NUCKS1: variants seen among roughly 807,000 people sequenced by gnomAD.
NUCKS1 encodes the protein nuclear ubiquitous casein and cyclin-dependent kinase substrate 1.
Under a neutral mutation model 33.0 loss-of-function variants are expected in NUCKS1, and 2 were observed. That is an observed-to-expected ratio of 0.06 (90% confidence interval 0.02 to 0.19). NUCKS1 has a LOEUF of 0.19. NUCKS1 is among the 10% of genes least tolerant of loss of function. The probability of loss-of-function intolerance (pLI) is 1.00; values close to 1 mark genes in which losing one functional copy is unlikely to be tolerated. For synonymous variants in NUCKS1, 106 were observed against 102.8 expected (o/e 1.03, Z -0.19); for missense variants, 201 against 293.6 (o/e 0.68, Z 2.31).
intron 2 of NUCKS1, among the ~76,000 whole-genome samples, chr1:205,729,277 G>C (rs1653851918): frequency 6.6e-6 from 1 of 152,118 alleles, no homozygotes; most frequent in South Asian, 2.1e-4. Context: ...CTGACAGCAG[G>C]AGATATTTTA....
intron 1 of NUCKS1, among the ~76,000 whole-genome samples, chr1:205,730,359 T>G (rs1653878696): frequency 6.6e-6 from 1 of 151,722 alleles, no homozygotes; most frequent in East Asian, 2.0e-4. Context: ...AAATTATTTT[T>G]TAAAGGCCCC....
intron 6 of NUCKS1, among the ~76,000 whole-genome samples, chr1:205,718,718 CTA>C (rs1039150606): frequency 1.9e-4 from 29 of 152,178 alleles, no homozygotes; most frequent in African/African-American, 6.8e-4. Flanking sequence ...TACCAACACT[CTA>C]TGATGTTAGC....
At chr1:205,728,362 A>T (rs1364137615) in intron 2 of NUCKS1, among the ~76,000 whole-genome samples, 2 of 152,146 alleles carry the variant, frequency 1.3e-5, no homozygotes, top group African/African-American at 2.4e-5. Flanking sequence ...GAGATGCTGG[A>T]AGTAGTCTGG....
intron 2 of NUCKS1, among the ~76,000 whole-genome samples, chr1:205,728,806 A>G (rs1360969313): frequency 6.6e-6 from 1 of 152,276 alleles, no homozygotes; most frequent in Non-Finnish European, 1.5e-5. Flanking sequence ...TTGATGAATT[A>G]GTTCATAAAT....
chr1:205,741,160 C>A (rs1285747667), intron 1 of NUCKS1, among the ~76,000 whole-genome samples: 1 of 149,434 alleles, frequency 6.7e-6, no homozygotes, highest in East Asian at 1.9e-4. Context: ...ATTAGCCGGG[C>A]GTGGTGGCGG....
chr1:205,740,018 T>TTTTG (rs1553252840), intron 1 of NUCKS1, among the ~76,000 whole-genome samples: 5 of 146,316 alleles, frequency 3.4e-5, no homozygotes, highest in Non-Finnish European at 6.0e-5. Flanking sequence ...TTTTTTTTTT[T>TTTTG]GAGAGACAGT....
chr1:205,738,984 C>T (rs1654098908), intron 1 of NUCKS1, among the ~76,000 whole-genome samples: 1 of 152,150 alleles, frequency 6.6e-6, no homozygotes, highest in African/African-American at 2.4e-5. Flanking sequence ...AGACTCCTGA[C>T]CTATATGACA....
At chr1:205,747,365 T>G (rs989134105) in intron 1 of NUCKS1, among the ~76,000 whole-genome samples, 4 of 152,204 alleles carry the variant, frequency 2.6e-5, no homozygotes, top group Admixed American at 1.3e-4. Flanking sequence ...GCCTAAAATA[T>G]TTGAGCTCTC....
chr1:205,747,325 C>A (rs923709234), intron 1 of NUCKS1, among the ~76,000 whole-genome samples: 2 of 152,152 alleles, frequency 1.3e-5, no homozygotes, highest in African/African-American at 4.8e-5. Context: ...AGCTCCAAGG[C>A]TAATTTTAAG....
At chr1:205,723,839 G>T in intron 4 of NUCKS1, 87 bp downstream of exon 4, 1 of 933,578 alleles carries the variant, frequency 1.1e-6, no homozygotes, top group Non-Finnish European at 1.7e-6. Flanking sequence ...TTGCAACAGT[G>T]CCTGGCATAG....
intron 1 of NUCKS1, among the ~76,000 whole-genome samples, chr1:205,735,988 G>T (rs1222283497): frequency 1.3e-5 from 2 of 151,966 alleles, no homozygotes; most frequent in Non-Finnish European, 2.9e-5. Context: ...TGTCATCCAG[G>T]TTGGAGTGCA....
chr1:205,749,840 G>C (rs1274418749), intron 1 of NUCKS1, 117 bp downstream of exon 1: 10 of 1,166,360 alleles, frequency 8.6e-6, no homozygotes, highest in Non-Finnish European at 1.2e-5. Flanking sequence ...GCCCCGAAAG[G>C]GAGGAGGCCG....
chr1:205,738,186 C>T (rs531858977), intron 1 of NUCKS1, among the ~76,000 whole-genome samples: 29 of 152,154 alleles, frequency 1.9e-4, no homozygotes, highest in Middle Eastern at 6.8e-3. Context: ...CCACCATGCC[C>T]GGCTACTTTT....
At chr1:205,725,099 G>T (rs1374536061) in intron 3 of NUCKS1, among the ~76,000 whole-genome samples, 2 of 152,290 alleles carry the variant, frequency 1.3e-5, no homozygotes, top group East Asian at 3.9e-4. Flanking sequence ...CCAGGCTGGT[G>T]ATGAACTCCT....
intron 1 of NUCKS1, among the ~76,000 whole-genome samples, chr1:205,735,695 T>C (rs576577962): frequency 4.6e-5 from 7 of 152,318 alleles, no homozygotes; most frequent in African/African-American, 1.7e-4. Context: ...AACAAGAGTG[T>C]TGAGAACATT....
chr1:205,750,093 G>A lies in NUCKS1; in HGVS notation c.-120C>T. 1 of 1,055,538 alleles carries A rather than the reference G, an allele frequency of 9.5e-7. No homozygotes were observed. Among genetic ancestry groups the A allele is most frequent in the Non-Finnish European group, 1.3e-6 (1 of 742,210 alleles). 65.4% of individuals were successfully genotyped at this position (1,055,538 alleles called of 1,614,324 possible). ...GATGGGACCGCTGCTGCCGAACCCC[G>A]AGCTGCTGGCTTCTCAAACTCCGCT... On this transcript the variant is annotated 5_prime_UTR_variant, in exon 1 of 7. Transcript: ENST00000367142.
At chr1:205,720,376 G>T in intron 5 of NUCKS1, 125 bp downstream of exon 5, 1 of 867,790 alleles carries the variant, frequency 1.2e-6, no homozygotes, top group South Asian at 1.8e-5. Flanking sequence ...CTTTTAACAC[G>T]GAGTATCTAC....
At chr1:205,747,253 TCA>T (rs1654355191) in intron 1 of NUCKS1, among the ~76,000 whole-genome samples, 1 of 152,164 alleles carries the variant, frequency 6.6e-6, no homozygotes. Flanking sequence ...GCAAGGCACC[TCA>T]CTTATCCAGG....
intron 1 of NUCKS1, among the ~76,000 whole-genome samples, chr1:205,749,659 G>A (rs1319297050): frequency 6.6e-6 from 1 of 151,906 alleles, no homozygotes; most frequent in Non-Finnish European, 1.5e-5. Flanking sequence ...CTCCCCCTCC[G>A]GCCGCTGGCG....
Sources: allele counts gnomAD v4.1 joint callset (sites outside exome capture counted in the v4.1 genomes callset), GRCh38; gene constraint gnomAD v4.1.1; transcripts MANE v1.5; gene names NCBI Gene and HGNC (gene_info 2026-07-23, HGNC 2026-07-21).